Variants in NUDT5 observed in about 807,000 individuals in gnomAD.
NUDT5 encodes the protein ADP-sugar pyrophosphatase.
A neutral mutation model predicts 34.1 loss-of-function variants in NUDT5; 21 were observed. The ratio of observed to expected loss-of-function variants is 0.62; its 90% CI spans 0.44 to 0.89. The LOEUF (loss-of-function observed/expected upper bound fraction) is 0.89, where lower values mean the gene tolerates loss of function less well. Among genes scored for constraint, NUDT5 ranks in the 40% least tolerant of loss-of-function variants. The probability of loss-of-function intolerance (pLI) is 0.00; values close to 1 mark genes in which losing one functional copy is unlikely to be tolerated. For synonymous variants in NUDT5, 85 were observed against 97.6 expected, an observed-to-expected ratio of 0.87 and a Z score of 0.76; for missense variants, 249 against 274.8, an observed-to-expected ratio of 0.91 and a Z score of 0.66.
intron 1 of NUDT5, among the ~76,000 whole-genome samples, chr10:12,189,137 G>A (rs536002635): frequency 4.6e-5 from 7 of 152,112 alleles, no homozygotes; most frequent in African/African-American, 1.4e-4. Context: ...ATGGAGTTTC[G>A]CTCTTGTTGC....
intron 7 of NUDT5, 189 bp downstream of exon 7, chr10:12,172,576 G>C (rs1479531140): frequency 1.7e-6 from 1 of 597,044 alleles, no homozygotes; most frequent in Non-Finnish European, 3.0e-6. Flanking sequence ...GCGTAAAGAT[G>C]AATGAAGTGG....
intron 2 of NUDT5, among the ~76,000 whole-genome samples, chr10:12,185,515 G>A (rs1332498894): frequency 3.3e-5 from 5 of 152,226 alleles, no homozygotes; most frequent in Admixed American, 6.5e-5. Context: ...AGACACTGGG[G>A]AGTTCTGGTG....
chr10:12,188,995 C>A (rs915852912), intron 1 of NUDT5, among the ~76,000 whole-genome samples: 17 of 152,192 alleles, frequency 1.1e-4, no homozygotes, highest in Admixed American at 1.0e-3. Context: ...AGGAAGTAAA[C>A]CACGTAGAAG....
rs1835019625 is a variant in NUDT5 at position 12,180,024 on chromosome 10, G to A, written c.132-892C>T. The stretch of plus-strand genomic sequence containing the variant: ...GGAAGTGAAACATGTGGGTGGCTCT[G>A]GGGCTTGGGATAAAAAGGAGTTACC... On this transcript the variant is annotated intron_variant, in intron 3 of 9. Coordinates refer to ENST00000491614, the MANE Select transcript of NUDT5 (RefSeq NM_014142.4). 6.6e-5 allele frequency among the ~76,000 whole-genome samples: 10 copies of A among 152,180 alleles called. No individual in the cohort carries two copies. In the South Asian group the frequency reaches 2.1e-3, roughly 31 times the overall value.
chr10:12,169,642 GT>G lies in NUDT5; in HGVS notation c.550+1074del. 3.9e-6 allele frequency: 1 copy of G among 253,248 alleles called. No individual in the cohort carries two copies. The highest frequency in any genetic ancestry group is 7.5e-6 in the Non-Finnish European group (1 of 134,064). 15.7% of individuals were successfully genotyped at this position (253,248 alleles called of 1,614,324 possible). ...CGAGGTGGCTTCTACCTTAGGTCTA[GT>G]TTTTGGAAAGGTGAAGCAGGAGTGG... is the stretch of plus-strand genomic sequence containing the variant. On this transcript the variant is annotated intron_variant, in intron 9 of 9. Transcript: ENST00000491614. This position sits in a 1 kb window ranked among gnomAD's most constrained non-coding sequence, Gnocchi z 4.8.
At position 12,177,911 on chromosome 10, in the gene NUDT5, G is replaced by T. The variant is rs1315163270; in HGVS notation, c.182-11C>A. 6.2e-7 allele frequency: 1 copy of T among 1,605,852 alleles called. No individual in the cohort carries two copies. Among genetic ancestry groups the T allele is most frequent in the Admixed American group, 1.7e-5 (1 of 59,970 alleles). ...GGATGACCGCGACACCTGTCACCAGGAAATGGAACCAAGGAAATCCCTAAT... is the reference window on the plus strand; with the variant it reads ...GGATGACCGCGACACCTGTCACCAGTAAATGGAACCAAGGAAATCCCTAAT... On this transcript the variant is annotated splice_polypyrimidine_tract_variant and intron_variant, in intron 4 of 9. Transcript: ENST00000491614.
chr10:12,184,304 C>G (rs991871757), intron 3 of NUDT5, among the ~76,000 whole-genome samples: 2 of 152,100 alleles, frequency 1.3e-5, no homozygotes, highest in Non-Finnish European at 2.9e-5. Context: ...CGCCCCGGCC[C>G]CCACCCTTGG....
intron 1 of NUDT5, among the ~76,000 whole-genome samples, chr10:12,192,721 C>CA (rs2131721104): frequency 6.6e-6 from 1 of 152,102 alleles, no homozygotes; most frequent in African/African-American, 2.4e-5. Flanking sequence ...TGAGGTGGCA[C>CA]ACGCCAGTAG....
Position 12,177,884 on chromosome 10 carries a change from G to A in NUDT5, c.198C>T (p.Pro66=), listed in dbSNP as rs759591964. 4.0e-5 allele frequency: 65 copies of A among 1,613,834 alleles called. No individual in the cohort carries two copies. The highest frequency in any genetic ancestry group is 2.2e-4 in the Admixed American group (13 of 59,996). Residue 66 remains proline (P), a synonymous_variant, in exon 5 of 10, where the codon CCC becomes CCT. Coordinates refer to ENST00000491614, the MANE Select transcript of NUDT5 (RefSeq NM_014142.4). ...CATAGTGAAGTGTTCTCTGCAGCAC[G>A]GGGATGACCGCGACACCTGTCACCA... is the stretch of plus-strand genomic sequence containing the variant. ...EQTADGVAVI[P]VLQRTLHYEC...
chr10:12,169,389 CAGAG>C lies in NUDT5; in HGVS notation c.550+1324_550+1327del, dbSNP rs1834798218. On this transcript the variant is annotated intron_variant, in intron 9 of 9. Transcript: ENST00000491614. This position sits in a 1 kb window ranked among gnomAD's most constrained non-coding sequence, Gnocchi z 4.8. ...TCACCCTGCTTTCCACGCACCTCCT[CAGAG>C]GGAGGGGCTGTTATTGTTCCTGTTT... 9.0e-7 allele frequency: 1 copy of C among 1,108,642 alleles called. No homozygotes were observed. Among genetic ancestry groups the C allele is most frequent in the South Asian group, 1.5e-5 (1 of 68,156 alleles). The allele number at this position is 1,108,642 out of a possible 1,614,324, so 68.7% of individuals were successfully genotyped here.
rs1430321168 is a variant in NUDT5 at position 12,170,857 on chromosome 10, A to G, written c.496+43T>C. 2.5e-6 allele frequency: 4 copies of G among 1,613,652 alleles called. No individual in the cohort carries two copies. Among genetic ancestry groups the G allele is most frequent in the South Asian group, 2.2e-5 (2 of 91,060 alleles). On this transcript the variant is annotated intron_variant, in intron 8 of 9. Transcript: ENST00000491614. The surrounding 1 kb of genome is among the most constrained non-coding windows in gnomAD (Gnocchi z 4.9). ...AAATGTCTGCAGCCATCACCACTAC[A>G]CTAAGTCATACACGCTCGGCCACCA...
At position 12,167,604 on chromosome 10, in the gene NUDT5, C is replaced by T. The variant is rs1834734529; in HGVS notation, c.*98G>A. 8.4e-7 allele frequency: 1 copy of T among 1,186,990 alleles called. No homozygotes were observed. The highest frequency in any genetic ancestry group is 1.5e-5 in the African/African-American group (1 of 65,506). The allele number at this position is 1,186,990 out of a possible 1,614,324, so 73.5% of individuals were successfully genotyped here. A position where few individuals can be genotyped will look rare whatever the true frequency, so the allele number is the denominator to read the frequency against. Reference sequence around the variant, plus strand: ...TCTGTGCTTTTATTTTACGAAAAAGCTAATGGCAAATCTACATTAAACTAA... The same window carrying T: ...TCTGTGCTTTTATTTTACGAAAAAGTTAATGGCAAATCTACATTAAACTAA... On this transcript the variant is annotated 3_prime_UTR_variant, in exon 10 of 10. Transcript: ENST00000491614.
intron 1 of NUDT5, among the ~76,000 whole-genome samples, 152 bp downstream of exon 1, chr10:12,195,618 A>C (rs1013179467): frequency 6.6e-6 from 1 of 152,062 alleles, no homozygotes; most frequent in Non-Finnish European, 1.5e-5. Flanking sequence ...TCCAATCCCC[A>C]GTTTCCCTCT....
At chr10:12,188,167 C>T (rs1835159094) in intron 1 of NUDT5, among the ~76,000 whole-genome samples, 1 of 152,002 alleles carries the variant, frequency 6.6e-6, no homozygotes, top group African/African-American at 2.4e-5. Flanking sequence ...AAAATACAGC[C>T]CACCCAGCAT....
rs1197150335 is a variant in NUDT5 at position 12,182,178 on chromosome 10, T to A, written c.131+2711A>T. On this transcript the variant is annotated intron_variant, in intron 3 of 9. Transcript: ENST00000491614. The surrounding 1 kb of genome is among the most constrained non-coding windows in gnomAD (Gnocchi z 4.3). ...GATATAGCTGAGCTGAAGGGGAGGG[T>A]TCCTTTTCCCCTGGGGGGACACTGA... is the stretch of plus-strand genomic sequence containing the variant. Among the ~76,000 whole-genome samples, 1 of 150,404 alleles carries A rather than the reference T, an allele frequency of 6.6e-6. No homozygotes were observed. The highest frequency in any genetic ancestry group is 6.6e-5 in the Admixed American group (1 of 15,066).
chr10:12,170,602 T>C lies in NUDT5; in HGVS notation c.550+115A>G, dbSNP rs1834834386. Reference sequence around the variant, plus strand: ...TGCAGTTTTACAAGTTGCTAGGCATTTGACTTTAGTGATACAAAAAAGATA... The same window carrying C: ...TGCAGTTTTACAAGTTGCTAGGCATCTGACTTTAGTGATACAAAAAAGATA... On this transcript the variant is annotated intron_variant, in intron 9 of 9. Coordinates refer to ENST00000491614, the MANE Select transcript of NUDT5 (RefSeq NM_014142.4). The surrounding 1 kb of genome is among the most constrained non-coding windows in gnomAD (Gnocchi z 4.9). 9.9e-7 allele frequency: 1 copy of C among 1,012,274 alleles called. No homozygotes were observed. The allele number at this position is 1,012,274 out of a possible 1,614,324, so 62.7% of individuals were successfully genotyped here.
chr10:12,172,534 A>G (rs1265255407), intron 7 of NUDT5: 5 of 573,584 alleles, frequency 8.7e-6, no homozygotes, highest in Non-Finnish European at 1.6e-5. Context: ...AAAACAGGGA[A>G]ATATGTCATT....
Position 12,167,771 on chromosome 10 carries a change from G to A in NUDT5, c.591C>T (p.Val197=), listed in dbSNP as rs781357687. 1.9e-6 allele frequency: 3 copies of A among 1,614,064 alleles called. No individual in the cohort carries two copies. The highest frequency in any genetic ancestry group is 2.7e-5 in the African/African-American group (2 of 74,938). ...AEEHLTVDAR[V]YSYALALKHA... ...GTTTCAGTGCTAGAGCGTAGGAATA[G>A]ACCCTGGCGTCCACTGTGAGATGTT... The change falls in exon 10 of 10, where the codon GTC becomes GTT. Residue 197 remains valine (V), a synonymous_variant. Transcript: ENST00000491614.
intron 4 of NUDT5, among the ~76,000 whole-genome samples, chr10:12,178,592 C>G (rs182699385): frequency 6.6e-6 from 1 of 152,308 alleles, no homozygotes; most frequent in Admixed American, 6.5e-5. Flanking sequence ...CAGAGTGATT[C>G]TCAGGATTGT....
Sources: allele counts gnomAD v4.1 joint callset (sites outside exome capture counted in the v4.1 genomes callset), GRCh38; gene constraint gnomAD v4.1.1; non-coding constraint Gnocchi (gnomAD v3.1); transcripts MANE v1.5; gene names NCBI Gene and HGNC (gene_info 2026-07-23, HGNC 2026-07-21).